CDH23: variants seen among roughly 807,000 people sequenced by gnomAD.
CDH23 encodes the protein cadherin related 23, also known as cadherin-23.
A neutral mutation model predicts 317.1 loss-of-function variants in CDH23; 189 were observed. The observed-to-expected ratio is 0.60, with a 90% CI of 0.53 to 0.67. CDH23 has a LOEUF of 0.67. Ranked by LOEUF, CDH23 falls within the 30% of genes least tolerant of loss-of-function variation. CDH23 has a pLI of 0.00. For missense variants in CDH23, 4,401 were observed against 4,592.4 expected, an observed-to-expected ratio of 0.96 and a Z score of 1.20; for synonymous variants, 1,839 against 1,876.8, an observed-to-expected ratio of 0.98 and a Z score of 0.52.
chr10:71,513,354 C>T (rs1854100479), intron 6 of CDH23, among the ~76,000 whole-genome samples: 1 of 152,138 alleles, frequency 6.6e-6, no homozygotes, highest in Non-Finnish European at 1.5e-5. Context: ...CTGGCTCTGA[C>T]CACAGCTGGG....
Position 71,798,465 on chromosome 10 carries a change from CA to C in CDH23, c.6942del (p.Leu2315SerfsTer58). ...RILEGATPGTTLIAVAAVDPD... is the reference protein window; with the variant it reads ...RILEGATPGTXLIAVAAVDPD... ...CTGGAGGGGGCCACCCCTGGGACCA[CA>C]CTCATTGCTGTGGCAGCCGTGGACC... On this transcript the variant is annotated frameshift_variant, in exon 50 of 70. Coordinates refer to ENST00000224721, the MANE Select transcript of CDH23 (RefSeq NM_022124.6). LOFTEE classifies it high-confidence loss of function. The C allele has an allele frequency of 6.2e-7, 1 of 1,614,000 alleles. No homozygotes were observed. The highest frequency in any genetic ancestry group is 8.5e-7 in the Non-Finnish European group (1 of 1,179,864).
intron 3 of CDH23, among the ~76,000 whole-genome samples, chr10:71,482,755 T>C (rs1001079261): frequency 4.6e-5 from 7 of 152,192 alleles, no homozygotes; most frequent in African/African-American, 1.7e-4. Context: ...GGATAAAATA[T>C]TGTGGCTCAT....
chr10:71,727,545 C>T (rs1866871713), intron 30 of CDH23, among the ~76,000 whole-genome samples: 1 of 152,240 alleles, frequency 6.6e-6, no homozygotes, highest in African/African-American at 2.4e-5. Flanking sequence ...TTGCAGGAAC[C>T]ATCCACATCC....
chr10:71,483,927 C>T (rs1463090710), intron 3 of CDH23, among the ~76,000 whole-genome samples: 1 of 152,210 alleles, frequency 6.6e-6, no homozygotes, highest in East Asian at 1.9e-4. Context: ...CATGCCCCCT[C>T]ACATGCACAT....
chr10:71,807,633 G>A lies in CDH23; in HGVS notation c.8426G>A (p.Arg2809His), dbSNP rs780409612. The A allele has an allele frequency of 4.5e-5, 72 of 1,613,826 alleles. No homozygotes were observed. Among genetic ancestry groups the A allele is most frequent in the East Asian group, 8.9e-5 (4 of 44,896 alleles). The change falls in exon 59 of 70, where the codon CGC (arginine) becomes CAC (histidine). Residue 2809 changes from arginine (R) to histidine (H), a missense_variant. By Grantham distance (29) the Arg-to-His change is conservative. This residue lies in a region of CDH23 where 1,144 missense variants were observed against 1,138.2 expected (regional missense o/e 1.01). Transcript: ENST00000224721. ...TTCATCGTCAAGGCCTCCAGCAATC[G>A]CAGCTGGACACCTCCCCGTGGACCC... ...FSFIVKASSNRSWTPPRGPSP... is the reference protein window; with the variant it reads ...FSFIVKASSNHSWTPPRGPSP...
intron 1 of CDH23, among the ~76,000 whole-genome samples, chr10:71,439,594 C>G: frequency 6.6e-6 from 1 of 152,226 alleles, no homozygotes; most frequent in East Asian, 1.9e-4. Flanking sequence ...CCAGCCTCAC[C>G]CAGTGACTCA....
At chr10:71,500,618 GA>G (rs1332561541) in intron 3 of CDH23, among the ~76,000 whole-genome samples, 1 of 152,224 alleles carries the variant, frequency 6.6e-6, no homozygotes, top group Non-Finnish European at 1.5e-5. Flanking sequence ...GGGGTGAGAA[GA>G]AGGCTGTATT....
At chr10:71,709,320 G>A (rs770473214) in intron 27 of CDH23, 109 bp downstream of exon 27, 2 of 918,004 alleles carry the variant, frequency 2.2e-6, no homozygotes, top group South Asian at 3.2e-5. Context: ...CCAGATGCCA[G>A]TGGAGAAAGG....
At chr10:71,547,934 T>C (rs1367174241) in intron 6 of CDH23, among the ~76,000 whole-genome samples, 1 of 152,198 alleles carries the variant, frequency 6.6e-6, no homozygotes. Flanking sequence ...CTTGGCGTGC[T>C]TGACTCCAGC....
At chr10:71,532,697 TTTCTTTTGTTTTTG>T (rs1445445639) in intron 6 of CDH23, among the ~76,000 whole-genome samples, 1 of 100,412 alleles carries the variant, frequency 1.0e-5, no homozygotes, top group East Asian at 5.0e-4. Context: ...GTTGGCAAGT[TTTCTTTTGTTTTTG>T]TTTTTTTTTT....
intron 3 of CDH23, among the ~76,000 whole-genome samples, chr10:71,477,017 C>T (rs1162128763): frequency 6.6e-6 from 1 of 152,120 alleles, no homozygotes; most frequent in East Asian, 1.9e-4. Context: ...CCCACATGAC[C>T]GACCCCTAAC....
At chr10:71,630,715 C>A (rs1324135637) in intron 11 of CDH23, among the ~76,000 whole-genome samples, 4 of 152,200 alleles carry the variant, frequency 2.6e-5, no homozygotes, top group Non-Finnish European at 4.4e-5. Context: ...CTGGTAGATA[C>A]CTAGCGAGCA....
intron 3 of CDH23, among the ~76,000 whole-genome samples, chr10:71,460,424 G>A (rs536156960): frequency 6.6e-5 from 10 of 152,354 alleles, no homozygotes; most frequent in African/African-American, 2.4e-4. Flanking sequence ...TGTGTGCGGC[G>A]GGAACCCGCA....
intron 3 of CDH23, among the ~76,000 whole-genome samples, chr10:71,497,473 T>C (rs1412178627): frequency 6.7e-6 from 1 of 150,342 alleles, no homozygotes; most frequent in Non-Finnish European, 1.5e-5. Flanking sequence ...TATTCATGGC[T>C]GTTTCATGCT....
chr10:71,662,948 A>T (rs746196354), intron 14 of CDH23, among the ~76,000 whole-genome samples: 8 of 152,184 alleles, frequency 5.3e-5, no homozygotes, highest in Non-Finnish European at 1.0e-4. Context: ...TGGAGGCTCC[A>T]GGCGTTCAGG....
chr10:71,732,403 TTTC>T (rs1274732833), intron 32 of CDH23, 28 bp downstream of exon 32: 2 of 1,552,264 alleles, frequency 1.3e-6, no homozygotes, highest in South Asian at 1.2e-5. Flanking sequence ...GGGAGCACCA[TTTC>T]TTCCAATCTA....
chr10:71,528,245 G>C (rs914005210), intron 6 of CDH23, among the ~76,000 whole-genome samples: 2 of 152,138 alleles, frequency 1.3e-5, no homozygotes, highest in South Asian at 2.1e-4. Flanking sequence ...GGTAGGTGGG[G>C]TATGTCACTC....
At position 71,725,364 on chromosome 10, in the gene CDH23, C is replaced by T. The variant is rs1333484719; in HGVS notation, c.3431-8C>T. 1 of 1,614,000 alleles carries T rather than the reference C, an allele frequency of 6.2e-7. No individual in the cohort carries two copies. The highest frequency in any genetic ancestry group is 1.1e-5 in the South Asian group (1 of 91,076). Reference sequence around the variant, plus strand: ...CCGGTGTTCCAGGGGGTCTGTCCCTCCACACAGGTAACCATGGCAACAACT... The same window carrying T: ...CCGGTGTTCCAGGGGGTCTGTCCCTTCACACAGGTAACCATGGCAACAACT... On this transcript the variant is annotated splice_region_variant and splice_polypyrimidine_tract_variant and intron_variant, in intron 29 of 69. Coordinates refer to ENST00000224721, the MANE Select transcript of CDH23 (RefSeq NM_022124.6).
chr10:71,471,309 G>A (rs1851496540), intron 3 of CDH23, among the ~76,000 whole-genome samples: 1 of 152,224 alleles, frequency 6.6e-6, no homozygotes, highest in Non-Finnish European at 1.5e-5. Flanking sequence ...ATGTGTTGCA[G>A]ATGGTATATG....
Sources: allele counts gnomAD v4.1 joint callset (sites outside exome capture counted in the v4.1 genomes callset), GRCh38; gene constraint gnomAD v4.1.1; regional missense constraint gnomAD v4.1.1; transcripts MANE v1.5; gene names NCBI Gene and HGNC (gene_info 2026-07-23, HGNC 2026-07-21).